Variants in CSMD1 observed in about 807,000 individuals in gnomAD.
CSMD1 encodes the protein CUB and sushi domain-containing protein 1.
CSMD1 carries 213 observed loss-of-function variants against 417.5 expected under a neutral mutation model. The ratio of observed to expected loss-of-function variants is 0.51; its 90% CI spans 0.46 to 0.57. The LOEUF (loss-of-function observed/expected upper bound fraction) is 0.57. CSMD1 is among the 20% of genes least tolerant of loss of function. CSMD1 has a pLI of 0.00. For synonymous variants in CSMD1, 2,862 were observed against 1,736.8 expected, an observed-to-expected ratio of 1.65 and a Z score of -16.11; for missense variants, 6,923 against 4,529.7, an observed-to-expected ratio of 1.53 and a Z score of -15.17.
At chr8:4,201,409 G>A (rs1389630043) in intron 3 of CSMD1, among the ~76,000 whole-genome samples, 1 of 151,598 alleles carries the variant, frequency 6.6e-6, no homozygotes. Context: ...GTGGCGCTGG[G>A]CGCCTGTAGT....
chr8:3,921,038 G>C (rs530671304), intron 5 of CSMD1, among the ~76,000 whole-genome samples: 11 of 152,224 alleles, frequency 7.2e-5, no homozygotes, highest in African/African-American at 2.6e-4. Flanking sequence ...AGTTTGAAAA[G>C]CGTTGGTTTA....
intron 5 of CSMD1, among the ~76,000 whole-genome samples, chr8:3,767,497 CA>C (rs1798342783): frequency 6.6e-6 from 1 of 152,194 alleles, no homozygotes; most frequent in African/African-American, 2.4e-5. Flanking sequence ...CTACTTCCCC[CA>C]ACCTAACTAA....
intron 3 of CSMD1, among the ~76,000 whole-genome samples, chr8:4,253,574 C>T (rs541632856): frequency 6.6e-5 from 10 of 152,174 alleles, no homozygotes; most frequent in Admixed American, 2.6e-4. Flanking sequence ...ATCTGGTATA[C>T]TTCAAAGCAG....
chr8:3,386,676 C>T (rs1362094934), intron 18 of CSMD1, among the ~76,000 whole-genome samples: 1 of 152,104 alleles, frequency 6.6e-6, no homozygotes, highest in Non-Finnish European at 1.5e-5. Context: ...AATATTTTTG[C>T]TTTTTCCATA....
At chr8:3,304,284 A>G (rs935808802) in intron 25 of CSMD1, among the ~76,000 whole-genome samples, 4 of 152,314 alleles carry the variant, frequency 2.6e-5, no homozygotes, top group East Asian at 1.9e-4. Context: ...TAGGTAATAC[A>G]GACTATGTTA....
intron 5 of CSMD1, among the ~76,000 whole-genome samples, chr8:3,959,927 C>T (rs1812210079): frequency 6.6e-6 from 1 of 152,138 alleles, no homozygotes; most frequent in South Asian, 2.1e-4. Flanking sequence ...TCCCTGAAGC[C>T]CTGTACTAGC....
intron 3 of CSMD1, among the ~76,000 whole-genome samples, chr8:4,118,403 A>G (rs1278000609): frequency 2.2e-5 from 2 of 91,846 alleles, no homozygotes; most frequent in African/African-American, 9.6e-5. Context: ...AGAAATTTAC[A>G]AAAAAAAAAA....
At chr8:3,980,874 G>C (rs115033692) in intron 5 of CSMD1, among the ~76,000 whole-genome samples, 1 of 152,138 alleles carries the variant, frequency 6.6e-6, no homozygotes, top group Non-Finnish European at 1.5e-5. Flanking sequence ...TGGGAATGAA[G>C]GTGGAGACTG....
At chr8:3,330,786 C>A (rs1480516108) in intron 23 of CSMD1, among the ~76,000 whole-genome samples, 2 of 152,154 alleles carry the variant, frequency 1.3e-5, no homozygotes, top group African/African-American at 4.8e-5. Flanking sequence ...AAAGCAAATA[C>A]TTTATTTTGA....
At chr8:2,961,248 C>G (rs1234331506) in intron 61 of CSMD1, 34 bp from the exon 62 acceptor site, 14 of 1,356,226 alleles carry the variant, frequency 1.0e-5, no homozygotes, top group African/African-American at 1.4e-5. Context: ...AAAGAGGGCA[C>G]CAGATATAGT....
chr8:4,088,376 G>A (rs148648432), intron 3 of CSMD1, among the ~76,000 whole-genome samples: 3 of 152,282 alleles, frequency 2.0e-5, no homozygotes, highest in East Asian at 1.9e-4. Flanking sequence ...TTACTTTTGC[G>A]GGAAAGAGCT....
chr8:3,381,907 A>G (rs941504765), intron 18 of CSMD1, among the ~76,000 whole-genome samples: 2 of 152,190 alleles, frequency 1.3e-5, no homozygotes, highest in South Asian at 4.1e-4. Flanking sequence ...ATATCTATAC[A>G]GTATATGCAT....
chr8:4,007,564 C>T (rs546727308), intron 4 of CSMD1, among the ~76,000 whole-genome samples: 4 of 152,222 alleles, frequency 2.6e-5, no homozygotes, highest in Non-Finnish European at 5.9e-5. Context: ...TGTATGCTTA[C>T]CTCTCGGTGC....
chr8:4,460,297 G>T (rs1046591552), intron 2 of CSMD1, among the ~76,000 whole-genome samples: 3 of 151,984 alleles, frequency 2.0e-5, no homozygotes, highest in Non-Finnish European at 2.9e-5. Flanking sequence ...CGAAAATGGA[G>T]ATCAAATACA....
At chr8:3,980,762 G>A (rs950464327) in intron 5 of CSMD1, among the ~76,000 whole-genome samples, 1 of 152,144 alleles carries the variant, frequency 6.6e-6, no homozygotes, top group Non-Finnish European at 1.5e-5. Flanking sequence ...TTTCATTTCT[G>A]CTGCAGGCGA....
At chr8:3,792,885 G>C (rs1350585567) in intron 5 of CSMD1, among the ~76,000 whole-genome samples, 1 of 152,142 alleles carries the variant, frequency 6.6e-6, no homozygotes, top group Non-Finnish European at 1.5e-5. Flanking sequence ...CTTGCCTTGA[G>C]AACATCTAAC....
At chr8:4,444,691 G>T (rs1468355063) in intron 2 of CSMD1, among the ~76,000 whole-genome samples, 1 of 152,158 alleles carries the variant, frequency 6.6e-6, no homozygotes, top group Non-Finnish European at 1.5e-5. Context: ...ACATCAAAAA[G>T]CAGGGTCACT....
intron 1 of CSMD1, among the ~76,000 whole-genome samples, chr8:4,754,184 G>C (rs967073096): frequency 6.6e-6 from 1 of 152,084 alleles, no homozygotes; most frequent in African/African-American, 2.4e-5. Flanking sequence ...TGAAACCTGT[G>C]CACTCCACCA....
chr8:4,409,732 A>C (rs1449150479), intron 3 of CSMD1, among the ~76,000 whole-genome samples: 1 of 151,978 alleles, frequency 6.6e-6, no homozygotes, highest in Non-Finnish European at 1.5e-5. Flanking sequence ...CCAAGATGGC[A>C]AAGGAACATT....
Sources: gnomAD v4.1 joint callset for allele counts (sites outside exome capture counted in the v4.1 genomes callset) on GRCh38, gnomAD v4.1.1 for gene constraint, MANE v1.5 for transcripts, NCBI Gene and HGNC (gene_info 2026-07-23, HGNC 2026-07-21) for gene names.